KLHL41: variants seen among roughly 807,000 people sequenced by gnomAD.
KLHL41 encodes kelch-like protein 41.
KLHL41 carries 31 observed loss-of-function variants against 49.2 expected under a neutral mutation model. That is an observed-to-expected ratio of 0.63 (90% confidence interval 0.47 to 0.85). The LOEUF is 0.85. Ranked by LOEUF, KLHL41 falls within the 40% of genes least tolerant of loss-of-function variation. The probability of loss-of-function intolerance (pLI) is 0.00; values close to 1 mark genes in which losing one functional copy is unlikely to be tolerated. For synonymous variants in KLHL41, 218 were observed against 258.5 expected (o/e 0.84, Z 1.50); for missense variants, 663 against 726.7 (o/e 0.91, Z 1.01).
chr2:169,514,510 T>C (rs1684079702), intron 1 of KLHL41, 64 bp from the exon 2 acceptor site: 3 of 1,395,272 alleles, frequency 2.2e-6, no homozygotes, highest in South Asian at 2.6e-5. Context: ...AGTATAACTT[T>C]TTTTGGTGTA....
chr2:169,512,481 T>G (rs1684044328), intron 1 of KLHL41, among the ~76,000 whole-genome samples: 1 of 152,216 alleles, frequency 6.6e-6, no homozygotes, highest in African/African-American at 2.4e-5. Context: ...TTTAATTTAT[T>G]GAATATATCT....
Position 169,510,426 on chromosome 2 carries a change from T to A in KLHL41, c.648T>A (p.Ser216Arg). Residue 216 changes from serine (S) to arginine (R), a missense_variant, in exon 1 of 6, where the codon AGT becomes AGA. Physicochemically the swap from Ser to Arg is moderately radical, Grantham distance 110. Around this residue, in one of 3 missense-constraint regions of KLHL41, gnomAD observed 528 missense variants for 581.0 expected, o/e 0.91. Coordinates refer to ENST00000284669, the MANE Select transcript of KLHL41 (RefSeq NM_006063.3). This position sits in a 1 kb window ranked among gnomAD's most constrained non-coding sequence, Gnocchi z 4.2. ...AGGAAAACAGGGTTAAAAACCTTAG[T>A]GAAGTGTTTGATTGTATCCGTTTTC... The part of the protein sequence containing the change: ...TDKENRVKNL[S>R]EVFDCIRFRL... The A allele has an allele frequency of 6.2e-7, 1 of 1,614,046 alleles. No homozygotes were observed. The highest frequency in any genetic ancestry group is 8.5e-7 in the Non-Finnish European group (1 of 1,180,000).
At chr2:169,525,517 T>C in intron 5 of KLHL41, 68 bp from the exon 6 acceptor site, 2 of 940,772 alleles carry the variant, frequency 2.1e-6, no homozygotes, top group Non-Finnish European at 3.4e-6. Context: ...TCCACATTTG[T>C]ATTCTGAACA....
At chr2:169,515,034 T>TA in intron 3 of KLHL41, 73 bp downstream of exon 3, 5 of 886,980 alleles carry the variant, frequency 5.6e-6, no homozygotes, top group Non-Finnish European at 6.7e-6. Context: ...TCTTTTCTTT[T>TA]CTTTTTTTTT....
intron 5 of KLHL41, among the ~76,000 whole-genome samples, chr2:169,522,023 A>G (rs1177750043): frequency 6.6e-6 from 1 of 152,070 alleles, no homozygotes; most frequent in Non-Finnish European, 1.5e-5. Context: ...GAAAAAAGAA[A>G]CACAGAATCC....
In KLHL41 at chr2:169,525,898, TAATA is replaced by T. The variant is rs1319723542; in HGVS notation, c.*206_*209del. Reference sequence around the variant, plus strand: ...ATCAGAGTTTAAAACCATTTTCTAATAATAAATTAAATCTTCAGTTGAACAAATT... The same window carrying T: ...ATCAGAGTTTAAAACCATTTTCTAATAATTAAATCTTCAGTTGAACAAATT... On this transcript the variant is annotated 3_prime_UTR_variant, in exon 6 of 6. Transcript: ENST00000284669. 2 of 373,954 alleles carry T rather than the reference TAATA, an allele frequency of 5.3e-6. No homozygotes were observed. The highest frequency in any genetic ancestry group is 9.5e-6 in the Non-Finnish European group (2 of 210,504). 23.2% of individuals were successfully genotyped at this position (373,954 alleles called of 1,614,324 possible).
Position 169,510,843 on chromosome 2 carries a change from G to A in KLHL41, c.1065G>A (p.Val355=), listed in dbSNP as rs970229079. The change falls in exon 1 of 6, where the codon GTG becomes GTA. Residue 355 remains valine, a synonymous_variant. Transcript: ENST00000284669. The surrounding 1 kb of genome is among the most constrained non-coding windows in gnomAD (Gnocchi z 4.2). ...NQIYVVGGLY[V]DEENKDQPLQ... ...TATATGTGGTAGGAGGACTATATGT[G>A]GATGAAGAAAATAAGGATCAACCTC... 22 of 1,613,728 alleles carry A rather than the reference G, an allele frequency of 1.4e-5. No homozygotes were observed. Among genetic ancestry groups the A allele is most frequent in the Non-Finnish European group, 1.6e-5 (19 of 1,179,880 alleles).
intron 4 of KLHL41, among the ~76,000 whole-genome samples, chr2:169,519,656 T>G (rs989400737): frequency 6.6e-6 from 1 of 151,480 alleles, no homozygotes; most frequent in Non-Finnish European, 1.5e-5. Flanking sequence ...TCAAACTTTT[T>G]TTTTTTTTTT....
chr2:169,510,221 C>G lies in KLHL41; in HGVS notation c.443C>G (p.Pro148Arg). ...AGATTAGGACTTCTTCTTGACTGCC[C>G]GAGACTCGCCATTTCTGCCCGTGAA... Reference protein sequence around the residue: ...ILRLGLLLDCPRLAISAREFV... With the variant: ...ILRLGLLLDCRRLAISAREFV... Residue 148 changes from proline (P) to arginine (R), a missense_variant, in exon 1 of 6, where the codon CCG (proline) becomes CGG (arginine). This residue lies in a region of KLHL41 where 528 missense variants were observed against 581.0 expected (regional missense o/e 0.91). Transcript: ENST00000284669. The surrounding 1 kb of genome is among the most constrained non-coding windows in gnomAD (Gnocchi z 4.2). 6.2e-7 allele frequency: 1 copy of G among 1,613,892 alleles called. No individual in the cohort carries two copies. The highest frequency in any genetic ancestry group is 8.5e-7 in the Non-Finnish European group (1 of 1,180,006).
rs1371262916 is a variant in KLHL41, at chr2:169,509,892, A to C, written c.114A>C (p.Lys38Asn). The C allele has an allele frequency of 6.2e-7, 1 of 1,614,210 alleles. No individual in the cohort carries two copies. The highest frequency in any genetic ancestry group is 1.1e-5 in the South Asian group (1 of 91,084). Reference sequence around the variant, plus strand: ...AAAAATTCATCGATTGCACCCTAAAAGCAGGTGACAAAAGTCTTCCTTGCC... The same window carrying C: ...AAAAATTCATCGATTGCACCCTAAACGCAGGTGACAAAAGTCTTCCTTGCC... ...DEKKFIDCTL[K>N]AGDKSLPCHR... is the part of the protein sequence containing the mutation. Residue 38 changes from lysine (K) to asparagine (N), a missense_variant, in exon 1 of 6, where the codon AAA becomes AAC. Physicochemically the swap from Lys to Asn is moderately conservative, Grantham distance 94. Transcript: ENST00000284669.
At position 169,525,763 on chromosome 2, in the gene KLHL41, G is replaced by GT; in HGVS notation, c.*73dup. 3.4e-6 allele frequency: 3 copies of GT among 887,792 alleles called. No individual in the cohort carries two copies. Among genetic ancestry groups the GT allele is most frequent in the African/African-American group, 1.7e-5 (1 of 59,748 alleles). The allele number at this position is 887,792 out of a possible 1,614,324, so 55.0% of individuals were successfully genotyped here. ...GGTGAATGGGGCTTTAATTTATTCT[G>GT]TTTTTTAAAAGCTTGTACAGACACT... On this transcript the variant is annotated 3_prime_UTR_variant, in exon 6 of 6. Transcript: ENST00000284669.
In KLHL41 at chr2:169,514,952, C is replaced by G; in HGVS notation, c.1367C>G (p.Thr456Arg). The change falls in exon 3 of 6, where the codon ACA becomes AGA. Residue 456 changes from threonine (T) to arginine (R), a missense_variant. Physicochemically the swap from Thr to Arg is moderately conservative, Grantham distance 71 (BLOSUM62 -1). This residue lies in a region of KLHL41 where 528 missense variants were observed against 581.0 expected (regional missense o/e 0.91). Coordinates refer to ENST00000284669, the MANE Select transcript of KLHL41 (RefSeq NM_006063.3). ...KGMIYCLGGK[T>R]DDKKCTNRVF... ...ATGATATATTGTCTAGGAGGAAAGA[C>G]AGATGACAAGTAAGTACCCTGAACT... 6.3e-7 allele frequency: 1 copy of G among 1,587,406 alleles called. No individual in the cohort carries two copies. The highest frequency in any genetic ancestry group is 1.1e-5 in the South Asian group (1 of 87,800).
At chr2:169,520,150 CTCTGTGTGTGTG>C (rs930341306) in intron 4 of KLHL41, among the ~76,000 whole-genome samples, 3 of 138,064 alleles carry the variant, frequency 2.2e-5, no homozygotes, top group African/African-American at 8.2e-5. Context: ...CCAGGCCTAG[CTCTGTGTGTGTG>C]TGTGTGTGTG....
rs148369911 is a variant in KLHL41, at chr2:169,510,210, T to C, written c.432T>C (p.Leu144=). 2 of 1,614,102 alleles carry C rather than the reference T, an allele frequency of 1.2e-6. No homozygotes were observed. Among genetic ancestry groups the C allele is most frequent in the Admixed American group, 1.7e-5 (1 of 60,026 alleles). Residue 144 remains leucine, a synonymous_variant, in exon 1 of 6, where the codon CTT becomes CTC. Transcript: ENST00000284669. This position sits in a 1 kb window ranked among gnomAD's most constrained non-coding sequence, Gnocchi z 4.2. The stretch of plus-strand genomic sequence containing the variant: ...TAGCCATCCTAAGATTAGGACTTCT[T>C]CTTGACTGCCCGAGACTCGCCATTT... ...NCLAILRLGL[L]LDCPRLAISA... is the part of the protein sequence containing the mutation.
At chr2:169,520,204 GT>G (rs1292198686) in intron 4 of KLHL41, among the ~76,000 whole-genome samples, 2 of 83,262 alleles carry the variant, frequency 2.4e-5, no homozygotes, top group African/African-American at 4.8e-5. Context: ...GTGTGTGTGT[GT>G]GTGTAGACAG....
In KLHL41 at chr2:169,525,729, G is replaced by A; in HGVS notation, c.*33G>A. 1 of 1,244,128 alleles carries A rather than the reference G, an allele frequency of 8.0e-7. No homozygotes were observed. The highest frequency in any genetic ancestry group is 2.3e-5 in the East Asian group (1 of 42,876). The allele number at this position is 1,244,128 out of a possible 1,614,324, so 77.1% of individuals were successfully genotyped here. ...GACAAAACATAATAGATTGGGAGGT[G>A]GTTTGTTTGGTGAATGGGGCTTTAA... On this transcript the variant is annotated 3_prime_UTR_variant, in exon 6 of 6. Transcript: ENST00000284669.
chr2:169,521,064 A>G (rs1684196051), intron 5 of KLHL41, 57 bp downstream of exon 5: 2 of 1,531,838 alleles, frequency 1.3e-6, no homozygotes, highest in Non-Finnish European at 1.8e-6. Context: ...TGACTGATAA[A>G]CTATTTTGTA....
chr2:169,514,312 C>T (rs1034223067), intron 1 of KLHL41: 1 of 319,258 alleles, frequency 3.1e-6, no homozygotes, highest in African/African-American at 2.2e-5. Flanking sequence ...TGTAATTAAC[C>T]TCTGGTGATT....
intron 3 of KLHL41, among the ~76,000 whole-genome samples, chr2:169,516,873 T>C (rs1275935165): frequency 1.3e-5 from 2 of 151,948 alleles, no homozygotes; most frequent in Non-Finnish European, 2.9e-5. Flanking sequence ...AATACAAAAT[T>C]AACCGGGCGT....
Sources: allele counts gnomAD v4.1 joint callset (sites outside exome capture counted in the v4.1 genomes callset), GRCh38; gene constraint gnomAD v4.1.1; regional missense constraint gnomAD v4.1.1; non-coding constraint Gnocchi (gnomAD v3.1); transcripts MANE v1.5; gene names NCBI Gene and HGNC (gene_info 2026-07-23, HGNC 2026-07-21).